The following NRG2 variants were observed in gnomAD, a reference collection of about 807,000 sequenced individuals.
NRG2 encodes the protein pro-neuregulin-2, membrane-bound isoform.
NRG2 carries 27 observed loss-of-function variants against 73.9 expected under a neutral mutation model. That is an observed-to-expected ratio of 0.37 (90% CI 0.27 to 0.50). The LOEUF (loss-of-function observed/expected upper bound fraction) is 0.50, where lower values mean the gene tolerates loss of function less well. Among genes scored for constraint, NRG2 ranks in the 20% least tolerant of loss-of-function variants. The probability of loss-of-function intolerance (pLI) is 0.96; values close to 1 mark genes in which losing one functional copy is unlikely to be tolerated. For missense variants in NRG2, 1,126 were observed against 1,210.1 expected, an observed-to-expected ratio of 0.93 and a Z score of 1.03; for synonymous variants, 532 against 541.0, an observed-to-expected ratio of 0.98 and a Z score of 0.23.
chr5:139,872,292 C>G (rs1002145234), intron 3 of NRG2, among the ~76,000 whole-genome samples: 2 of 152,196 alleles, frequency 1.3e-5, no homozygotes, highest in Admixed American at 6.5e-5. Context: ...ATGGCTTGGG[C>G]TCTCATGGTG....
intron 1 of NRG2, among the ~76,000 whole-genome samples, chr5:139,913,089 A>T (rs1019277733): frequency 6.6e-6 from 1 of 152,152 alleles, no homozygotes; most frequent in Non-Finnish European, 1.5e-5. Context: ...GGGGCTGCTC[A>T]TGGGAAGTGG....
chr5:139,933,511 A>C (rs747471391), intron 1 of NRG2, among the ~76,000 whole-genome samples: 2 of 152,228 alleles, frequency 1.3e-5, no homozygotes, highest in Non-Finnish European at 2.9e-5. Context: ...AAAGAAATTT[A>C]ATAATAGAAG....
chr5:139,955,216 G>A (rs546412373), intron 1 of NRG2, among the ~76,000 whole-genome samples: 2 of 152,256 alleles, frequency 1.3e-5, no homozygotes, highest in African/African-American at 4.8e-5. Flanking sequence ...CGCCATCAAG[G>A]AACAGGGGCA....
intron 2 of NRG2, among the ~76,000 whole-genome samples, chr5:139,883,157 C>T (rs969447220): frequency 2.6e-5 from 4 of 152,090 alleles, no homozygotes; most frequent in African/African-American, 9.7e-5. Flanking sequence ...CCTGGCAGGC[C>T]GCGTGCTGTG....
rs998599967 is a variant in NRG2, at chr5:139,855,935, C to G, written c.1190-157G>C. ...CTTTTCTCCAGCCAGTTCCTTCCCT[C>G]CTACATGCTCTGTTTTGCCTTCCAC... On this transcript the variant is annotated intron_variant, in intron 5 of 9. Coordinates refer to ENST00000361474, the MANE Select transcript of NRG2 (RefSeq NM_004883.3). 7 of 625,442 alleles carry G rather than the reference C, an allele frequency of 1.1e-5. No individual in the cohort carries two copies. In the Admixed American group the frequency reaches 1.5e-4, roughly 13 times the overall value. The allele number at this position is 625,442 out of a possible 1,614,324, so 38.7% of individuals were successfully genotyped here.
At chr5:139,918,555 G>A (rs1385429510) in intron 1 of NRG2, among the ~76,000 whole-genome samples, 1 of 152,152 alleles carries the variant, frequency 6.6e-6, no homozygotes, top group Admixed American at 6.5e-5. Context: ...GGAAACTGAG[G>A]GTCCAAGATG....
At chr5:140,001,505 A>C (rs1430270990) in intron 1 of NRG2, among the ~76,000 whole-genome samples, 1 of 152,204 alleles carries the variant, frequency 6.6e-6, no homozygotes, top group Non-Finnish European at 1.5e-5. Context: ...TTATAAAAGC[A>C]GATATAATTC....
intron 1 of NRG2, 51 bp downstream of exon 1, chr5:140,042,319 C>A: frequency 7.5e-7 from 1 of 1,337,272 alleles, no homozygotes; most frequent in Non-Finnish European, 9.8e-7. Context: ...CCCCATTCTC[C>A]ACCACCTCGC....
At position 139,934,167 on chromosome 5, in the gene NRG2, C is replaced by A. The variant is rs1298275304; in HGVS notation, c.701-46656G>T. ...TGAGCTGTGATTGTGCCACTGCACTCCAGGCTGGGAGTGAGACTCTGTCTC... is the reference window on the plus strand; with the variant it reads ...TGAGCTGTGATTGTGCCACTGCACTACAGGCTGGGAGTGAGACTCTGTCTC... On this transcript the variant is annotated intron_variant, in intron 1 of 9. Transcript: ENST00000361474. Among the ~76,000 whole-genome samples, 4 of 151,884 alleles carry A rather than the reference C, an allele frequency of 2.6e-5. No individual in the cohort carries two copies. The East Asian group carries it at 7.7e-4, about 29-fold the overall frequency.
intron 1 of NRG2, among the ~76,000 whole-genome samples, chr5:139,991,440 A>G (rs1422156795): frequency 6.6e-6 from 1 of 151,986 alleles, no homozygotes; most frequent in African/African-American, 2.4e-5. Flanking sequence ...TGTTTTTTAC[A>G]TTTCATATTA....
At chr5:139,882,226 G>T (rs1373545424) in intron 2 of NRG2, among the ~76,000 whole-genome samples, 4 of 152,066 alleles carry the variant, frequency 2.6e-5, no homozygotes, top group African/African-American at 9.7e-5. Flanking sequence ...GGGTAAGGAG[G>T]CTGAGGAGAG....
At chr5:139,880,230 G>A (rs1763437062) in intron 3 of NRG2, among the ~76,000 whole-genome samples, 1 of 152,144 alleles carries the variant, frequency 6.6e-6, no homozygotes, top group African/African-American at 2.4e-5. Flanking sequence ...AAAGAACCAG[G>A]GCCTGAGAGG....
chr5:139,907,508 A>C (rs1298785055), intron 1 of NRG2, among the ~76,000 whole-genome samples: 1 of 152,172 alleles, frequency 6.6e-6, no homozygotes, highest in African/African-American at 2.4e-5. Context: ...TCCACTAGTA[A>C]AGAATGGCCA....
chr5:139,855,752 C>T lies in NRG2; in HGVS notation c.1216G>A (p.Val406Ile), dbSNP rs1581776399. ...QKAEELYQKR[V>I]LTITGICVAL... ...ACGCAGATGCCCGTGATGGTCAGGA[C>T]CCTCTTCTGGTACAGCTCCTCGGCT... Residue 406 changes from valine to isoleucine, a missense_variant, in exon 6 of 10, where the codon GTC becomes ATC. Physicochemically the swap from Val to Ile is conservative, Grantham distance 29 (BLOSUM62 3). This residue lies in a region of NRG2 where 539 missense variants were observed against 703.2 expected (regional missense o/e 0.77). Transcript: ENST00000361474. The T allele has an allele frequency of 1.2e-6, 2 of 1,614,104 alleles. No homozygotes were observed. The highest frequency in any genetic ancestry group is 1.1e-5 in the South Asian group (1 of 91,080).
intron 5 of NRG2, among the ~76,000 whole-genome samples, chr5:139,861,195 C>T (rs1481836369): frequency 1.3e-5 from 2 of 152,178 alleles, no homozygotes; most frequent in African/African-American, 2.4e-5. Flanking sequence ...GCTCAGCATG[C>T]GTGCAGGGCC....
At chr5:139,861,448 G>A (rs912264213) in intron 5 of NRG2, among the ~76,000 whole-genome samples, 1 of 152,212 alleles carries the variant, frequency 6.6e-6, no homozygotes, top group African/African-American at 2.4e-5. Context: ...GCATGGCTCC[G>A]AGCCAGGGAC....
chr5:139,889,279 ATTTG>A (rs1764064353), intron 1 of NRG2, among the ~76,000 whole-genome samples: 2 of 152,304 alleles, frequency 1.3e-5, no homozygotes, highest in African/African-American at 4.8e-5. Context: ...TTATATGTGT[ATTTG>A]TTTGTGTATA....
chr5:139,949,583 T>A (rs1194996616), intron 1 of NRG2, among the ~76,000 whole-genome samples: 1 of 152,244 alleles, frequency 6.6e-6, no homozygotes, highest in Non-Finnish European at 1.5e-5. Flanking sequence ...TGTACATATA[T>A]ATTTTTTTCC....
intron 1 of NRG2, among the ~76,000 whole-genome samples, chr5:139,957,217 G>A (rs898533071): frequency 3.9e-5 from 6 of 152,148 alleles, no homozygotes; most frequent in African/African-American, 1.4e-4. Flanking sequence ...AGCTTCTCAT[G>A]TCCAGCTTTG....
Sources: allele counts gnomAD v4.1 joint callset (sites outside exome capture counted in the v4.1 genomes callset), GRCh38; gene constraint gnomAD v4.1.1; regional missense constraint gnomAD v4.1.1; transcripts MANE v1.5; gene names NCBI Gene and HGNC (gene_info 2026-07-23, HGNC 2026-07-21).